Variants in PIP4K2A observed in about 807,000 individuals in gnomAD.
The protein encoded by PIP4K2A is phosphatidylinositol 5-phosphate 4-kinase type-2 alpha.
A neutral mutation model predicts 42.9 loss-of-function variants in PIP4K2A; 14 were observed. The observed-to-expected ratio is 0.33, with a 90% CI of 0.22 to 0.51. PIP4K2A has a LOEUF of 0.51. Among genes scored for constraint, PIP4K2A ranks in the 20% least tolerant of loss-of-function variants. PIP4K2A has a pLI of 0.97. For missense variants in PIP4K2A, 434 were observed against 519.8 expected (o/e 0.83, Z 1.61); for synonymous variants, 192 against 192.2 (o/e 1.00, Z 0.01).
chr10:22,634,007 G>A (rs140793844), intron 1 of PIP4K2A, among the ~76,000 whole-genome samples: 82 of 152,340 alleles, frequency 5.4e-4, no homozygotes, highest in African/African-American at 1.8e-3. Context: ...CAGAGTAGAC[G>A]CTTAATAGAT....
chr10:22,606,335 C>G (rs114871986), intron 3 of PIP4K2A, among the ~76,000 whole-genome samples: 1,527 of 152,120 alleles, frequency 0.01, 37 homozygotes, highest in African/African-American at 0.035. Context: ...AACGCCCTAA[C>G]AGGAGTGTTG....
At chr10:22,664,050 TATGTATATATAC>T (rs1185261205) in intron 1 of PIP4K2A, among the ~76,000 whole-genome samples, 2,263 of 90,412 alleles carry the variant, frequency 0.025, 147 homozygotes, top group African/African-American at 0.11. Flanking sequence ...TATATATACA[TATGTATATATAC>T]ATATATATAT....
At chr10:22,573,746 T>C (rs373711280) in intron 4 of PIP4K2A, among the ~76,000 whole-genome samples, 3 of 152,228 alleles carry the variant, frequency 2.0e-5, no homozygotes, top group African/African-American at 7.2e-5. Context: ...CAAGAGGACA[T>C]GTGACTATCT....
At chr10:22,691,343 T>A (rs1839862350) in intron 1 of PIP4K2A, among the ~76,000 whole-genome samples, 2 of 152,164 alleles carry the variant, frequency 1.3e-5, no homozygotes, top group South Asian at 4.1e-4. Flanking sequence ...CCTCTTTTCT[T>A]CAGACCTATA....
At chr10:22,696,714 CA>C (rs1839979938) in intron 1 of PIP4K2A, among the ~76,000 whole-genome samples, 1 of 152,098 alleles carries the variant, frequency 6.6e-6, no homozygotes, top group African/African-American at 2.4e-5. Context: ...AAAGCCTATT[CA>C]GAATGGTCTG....
intron 6 of PIP4K2A, among the ~76,000 whole-genome samples, chr10:22,560,257 A>G (rs1836654217): frequency 6.6e-6 from 1 of 152,172 alleles, no homozygotes. Context: ...CAGTGGAAAA[A>G]GAGGCACTTC....
intron 1 of PIP4K2A, among the ~76,000 whole-genome samples, chr10:22,702,785 A>G (rs78395395): frequency 0.016 from 2,497 of 152,322 alleles, 84 homozygotes; most frequent in African/African-American, 0.058. Context: ...CTGAGAACTA[A>G]TGGCCTACGG....
rs1837065241 is a variant in PIP4K2A at position 22,574,448 on chromosome 10, T to TTTTTTTTTTTTTTTTTA, written c.493-992_493-991insTAAAAAAAAAAAAAAAA. ...TGCTTGAATTTTTCATTTTCTGTTT[T>TTTTTTTTTTTTTTTTTA]TTTTTTTTTTTACAATGAGCATTTT... On this transcript the variant is annotated intron_variant, in intron 4 of 9. Coordinates refer to ENST00000376573, the MANE Select transcript of PIP4K2A (RefSeq NM_005028.5). Among the ~76,000 whole-genome samples, 2 of 151,148 alleles carry TTTTTTTTTTTTTTTTTA rather than the reference T, an allele frequency of 1.3e-5. 1 individual carries two copies.
At chr10:22,619,633 C>T (rs1588667830) in intron 1 of PIP4K2A, among the ~76,000 whole-genome samples, 1 of 152,048 alleles carries the variant, frequency 6.6e-6, no homozygotes, top group East Asian at 1.9e-4. Flanking sequence ...GATGGGGTTT[C>T]ACCATGTTAG....
chr10:22,704,407 A>C (rs144820824), intron 1 of PIP4K2A, among the ~76,000 whole-genome samples: 8 of 152,184 alleles, frequency 5.3e-5, no homozygotes, highest in African/African-American at 1.4e-4. Context: ...AGTTAAGGAG[A>C]TCATCGCAGG....
intron 7 of PIP4K2A, among the ~76,000 whole-genome samples, chr10:22,546,549 C>A (rs1028237837): frequency 6.6e-6 from 1 of 152,114 alleles, no homozygotes; most frequent in Admixed American, 6.5e-5. Context: ...GTAGCTAGGA[C>A]CACAGGCATG....
At chr10:22,669,695 G>A (rs944511286) in intron 1 of PIP4K2A, among the ~76,000 whole-genome samples, 4 of 152,224 alleles carry the variant, frequency 2.6e-5, no homozygotes, top group Non-Finnish European at 5.9e-5. Context: ...GATACAGACG[G>A]TCTGCGACTT....
intron 4 of PIP4K2A, among the ~76,000 whole-genome samples, chr10:22,576,009 C>T (rs967695888): frequency 3.9e-5 from 6 of 151,968 alleles, no homozygotes; most frequent in Non-Finnish European, 8.8e-5. Context: ...TGTTCTCAAA[C>T]GTATGGCTCA....
intron 1 of PIP4K2A, among the ~76,000 whole-genome samples, chr10:22,664,092 T>TATATATATATACATATATATATAC (rs1323856976): frequency 5.7e-4 from 36 of 62,884 alleles, no homozygotes; most frequent in East Asian, 2.7e-3. Flanking sequence ...TATATATACA[T>TATATATATATACATATATATATAC]ATATATATAT....
At chr10:22,562,071 A>T (rs1836719223) in intron 6 of PIP4K2A, among the ~76,000 whole-genome samples, 1 of 152,048 alleles carries the variant, frequency 6.6e-6, no homozygotes, top group Non-Finnish European at 1.5e-5. Context: ...TTTTGATAGC[A>T]TTTTCCCCCC....
intron 1 of PIP4K2A, among the ~76,000 whole-genome samples, chr10:22,614,021 C>T (rs990886281): frequency 6.6e-6 from 1 of 152,224 alleles, no homozygotes. Context: ...ACAACAAGTG[C>T]CACAGAAGCA....
chr10:22,641,841 G>T (rs1393015201), intron 1 of PIP4K2A, among the ~76,000 whole-genome samples: 1 of 152,098 alleles, frequency 6.6e-6, no homozygotes, highest in African/African-American at 2.4e-5. Flanking sequence ...TACCACAGGA[G>T]TGATGATTCT....
chr10:22,574,546 G>T (rs1837067928), intron 4 of PIP4K2A, among the ~76,000 whole-genome samples: 1 of 148,954 alleles, frequency 6.7e-6, no homozygotes, highest in African/African-American at 2.5e-5. Context: ...AATCAATTCT[G>T]ATAATATTTA....
At chr10:22,587,937 A>C (rs1242511028) in intron 4 of PIP4K2A, among the ~76,000 whole-genome samples, 2 of 152,256 alleles carry the variant, frequency 1.3e-5, no homozygotes, top group African/African-American at 2.4e-5. Flanking sequence ...ACCTGCCCTC[A>C]GTGAGCCTAG....
Sources: allele counts gnomAD v4.1 joint callset (sites outside exome capture counted in the v4.1 genomes callset), GRCh38; gene constraint gnomAD v4.1.1; transcripts MANE v1.5; gene names NCBI Gene and HGNC (gene_info 2026-07-23, HGNC 2026-07-21).